The following ARSG variants were observed in gnomAD, a reference collection of about 807,000 sequenced individuals.
The protein encoded by ARSG is ASG.
A neutral mutation model predicts 50.5 loss-of-function variants in ARSG; 37 were observed. The observed-to-expected ratio is 0.73, with a 90% CI of 0.56 to 0.96. The LOEUF is 0.96. ARSG is among the 50% of genes least tolerant of loss of function. The probability of loss-of-function intolerance (pLI) is 0.00; values close to 1 mark genes in which losing one functional copy is unlikely to be tolerated. For synonymous variants in ARSG, 225 were observed against 254.6 expected (o/e 0.88, Z 1.11); for missense variants, 629 against 675.3 (o/e 0.93, Z 0.76).
chr17:68,354,420 A>AAAAAAAG (rs2078942948), intron 5 of ARSG, among the ~76,000 whole-genome samples: 2 of 149,510 alleles, frequency 1.3e-5, no homozygotes, highest in Admixed American at 6.7e-5. Flanking sequence ...CTCAAAAAAA[A>AAAAAAAG]AAAAAAAGAA....
At chr17:68,385,204 G>A (rs998619455) in intron 9 of ARSG, 32 bp downstream of exon 9, 8 of 1,597,358 alleles carry the variant, frequency 5.0e-6, no homozygotes, top group Non-Finnish European at 6.9e-6. Context: ...GAGATGTTGG[G>A]GCCCAGAGCA....
In ARSG at chr17:68,378,233, GAA is replaced by G. The variant is rs1169263380; in HGVS notation, c.983-6829_983-6828del. Among the ~76,000 whole-genome samples, 1 of 152,224 alleles carries G rather than the reference GAA, an allele frequency of 6.6e-6. No homozygotes were observed. The highest frequency in any genetic ancestry group is 6.5e-5 in the Admixed American group (1 of 15,288). On this transcript the variant is annotated intron_variant, in intron 8 of 11. Coordinates refer to ENST00000621439, the MANE Select transcript of ARSG (RefSeq NM_001267727.2). The surrounding 1 kb of genome is among the most constrained non-coding windows in gnomAD (Gnocchi z 4.4). ...ACAGGGGCCAGACTCAAGAGCAGAT[GAA>G]AGAGAGAAGGCGGTCAATGTTTTCG...
intron 2 of ARSG, among the ~76,000 whole-genome samples, chr17:68,342,422 C>G (rs1487662559): frequency 5.5e-5 from 8 of 145,424 alleles, no homozygotes; most frequent in Non-Finnish European, 1.1e-4. Flanking sequence ...GGTGTGATCT[C>G]GGCTCACTGC....
the ARSG span, among the ~76,000 whole-genome samples, chr17:68,445,109 G>A: frequency 7.2e-5 from 11 of 151,838 alleles, no homozygotes; most frequent in South Asian, 2.1e-4. Flanking sequence ...TAGTAGAGAC[G>A]GGGTTTCACC....
chr17:68,379,812 G>A (rs1290221184), intron 8 of ARSG: 25 of 985,308 alleles, frequency 2.5e-5, no homozygotes, highest in Non-Finnish European at 3.0e-5. Flanking sequence ...CCAAACTGTC[G>A]GAGGTTGTGA....
At chr17:68,447,775 G>A in the ARSG span, among the ~76,000 whole-genome samples, 9 of 152,088 alleles carry the variant, frequency 5.9e-5, no homozygotes, top group East Asian at 7.7e-4. Flanking sequence ...GGTGGATCAC[G>A]AGGTCAGGAG....
chr17:68,387,000 A>G (rs62085878), intron 9 of ARSG, among the ~76,000 whole-genome samples: 29,029 of 151,462 alleles, frequency 0.19, 2,854 homozygotes, highest in Middle Eastern at 0.22. Flanking sequence ...AGGTTGGTGC[A>G]AAAGTTGTTG....
intron 2 of ARSG, among the ~76,000 whole-genome samples, chr17:68,318,750 T>C (rs1408673193): frequency 1.3e-5 from 2 of 152,204 alleles, no homozygotes; most frequent in Non-Finnish European, 2.9e-5. Context: ...TTGAGTCAAG[T>C]CAATGCTGCT....
the ARSG span, among the ~76,000 whole-genome samples, chr17:68,447,665 A>T: frequency 3.3e-5 from 5 of 152,144 alleles, no homozygotes; most frequent in Non-Finnish European, 7.4e-5. Context: ...TGCTGGGACC[A>T]CACTTGGCCC....
upstream of ARSG, among the ~76,000 whole-genome samples, chr17:68,289,338 G>T (rs952174446): frequency 6.6e-6 from 1 of 152,120 alleles, no homozygotes. Flanking sequence ...TTGGAAATCC[G>T]CTATCCTTGG....
At chr17:68,442,730 C>A in the ARSG span, among the ~76,000 whole-genome samples, 43 of 152,310 alleles carry the variant, frequency 2.8e-4, no homozygotes, top group African/African-American at 9.9e-4. Context: ...CCTCTCATTC[C>A]TGATCAGAAG....
the ARSG span, chr17:68,434,682 G>A: frequency 1.9e-6 from 3 of 1,577,998 alleles, no homozygotes; most frequent in Non-Finnish European, 2.6e-6. Flanking sequence ...ACACAGAGAT[G>A]TCCCTTTAGA....
chr17:68,419,289 G>T (rs959208578), intron 11 of ARSG, among the ~76,000 whole-genome samples: 1 of 152,180 alleles, frequency 6.6e-6, no homozygotes, highest in Non-Finnish European at 1.5e-5. Context: ...TGGCTGGTGT[G>T]GTGGCTCACG....
intron 1 of ARSG, among the ~76,000 whole-genome samples, chr17:68,283,915 T>G (rs2075780278): frequency 7.4e-6 from 1 of 135,392 alleles, no homozygotes; most frequent in African/African-American, 2.7e-5. Context: ...CTGGCCAACA[T>G]AGCAAAACAC....
At chr17:68,283,095 C>G (rs1555753360) in intron 1 of ARSG, 2 of 151,942 alleles carry the variant, frequency 1.3e-5, no homozygotes, top group Non-Finnish European at 2.9e-5. Context: ...CTACTGCACT[C>G]TTGCCTGAAT....
chr17:68,314,716 T>TA (rs1182852462), intron 2 of ARSG, among the ~76,000 whole-genome samples: 2 of 151,898 alleles, frequency 1.3e-5, no homozygotes, highest in Non-Finnish European at 2.9e-5. Context: ...AAATAAAAAA[T>TA]AAAAAATTAA....
At chr17:68,350,903 A>G (rs2078731792) in intron 4 of ARSG, among the ~76,000 whole-genome samples, 1 of 152,178 alleles carries the variant, frequency 6.6e-6, no homozygotes, top group African/African-American at 2.4e-5. Context: ...TTTGGGTTTC[A>G]ATGCTCACAC....
chr17:68,362,230 C>T (rs528806816), intron 6 of ARSG, among the ~76,000 whole-genome samples: 1 of 152,012 alleles, frequency 6.6e-6, no homozygotes, highest in African/African-American at 2.4e-5. Context: ...GGTGCTGCCC[C>T]CTCCTCATCT....
intron 2 of ARSG, among the ~76,000 whole-genome samples, chr17:68,337,755 C>T (rs1176138871): frequency 2.0e-5 from 3 of 151,994 alleles, no homozygotes; most frequent in East Asian, 1.9e-4. Context: ...GTAGCTGAGA[C>T]TACAGGCATG....
Sources: allele counts gnomAD v4.1 joint callset (sites outside exome capture counted in the v4.1 genomes callset), GRCh38; gene constraint gnomAD v4.1.1; non-coding constraint Gnocchi (gnomAD v3.1); transcripts MANE v1.5; gene names NCBI Gene and HGNC (gene_info 2026-07-23, HGNC 2026-07-21).